The following COL1A2 variants were observed in gnomAD, a reference collection of about 807,000 sequenced individuals.
The protein encoded by COL1A2 is collagen alpha-2(I) chain.
COL1A2 carries 49 observed loss-of-function variants against 174.3 expected under a neutral mutation model. That is an observed-to-expected ratio of 0.28 (90% confidence interval 0.22 to 0.36). COL1A2 has a LOEUF of 0.36. COL1A2 is among the 10% of genes least tolerant of loss of function. The pLI is 1.00. For synonymous variants in COL1A2, 655 were observed against 606.6 expected (o/e 1.08, Z -1.17); for missense variants, 1,438 against 1,822.7 (o/e 0.79, Z 3.84).
Position 94,397,771 on chromosome 7 carries a change from T to G in COL1A2, c.81+13T>G. ...AGCTTTACAAGAGGTGAGTAAAACT[T>G]TTTTTAGAATTTTTAAAAATACTTT... On this transcript the variant is annotated intron_variant, in intron 2 of 51. Coordinates refer to ENST00000297268, the MANE Select transcript of COL1A2 (RefSeq NM_000089.4). 1 of 1,295,806 alleles carries G rather than the reference T, an allele frequency of 7.7e-7. No individual in the cohort carries two copies. 80.3% of individuals were successfully genotyped at this position (1,295,806 alleles called of 1,614,324 possible).
chr7:94,412,470 C>A, intron 24 of COL1A2, 114 bp from the exon 25 acceptor site: 1 of 813,488 alleles, frequency 1.2e-6, no homozygotes, highest in Non-Finnish European at 2.1e-6. Context: ...ACGCTTTATA[C>A]AAGAAGCTCT....
At chr7:94,398,297 T>A in intron 2 of COL1A2, 85 bp from the exon 3 acceptor site, 2 of 458,722 alleles carry the variant, frequency 4.4e-6, no homozygotes, top group Non-Finnish European at 7.5e-6. Flanking sequence ...GAAGGTATAT[T>A]TGTATACTAC....
In COL1A2 at chr7:94,415,124, C is replaced by A. The variant is rs1792012050; in HGVS notation, c.1720-102C>A. On this transcript the variant is annotated intron_variant, in intron 29 of 51. Coordinates refer to ENST00000297268, the MANE Select transcript of COL1A2 (RefSeq NM_000089.4). ...TACTTATGCACTCATGTAGATACTG[C>A]CAGGTTTATTTCACTCTTTCCAAAT... The A allele has an allele frequency of 5.9e-6, 6 of 1,017,160 alleles. No homozygotes were observed. The South Asian group carries it at 7.6e-5, about 13-fold the overall frequency. The allele number at this position is 1,017,160 out of a possible 1,614,324, so 63.0% of individuals were successfully genotyped here.
At chr7:94,426,587 A>C in intron 46 of COL1A2, 57 bp downstream of exon 46, 1 of 1,307,342 alleles carries the variant, frequency 7.6e-7, no homozygotes, top group Non-Finnish European at 1.1e-6. Flanking sequence ...TTCAGCTCAG[A>C]AGGATTTTCA....
chr7:94,430,201 C>T, intron 51 of COL1A2, 46 bp from the exon 52 acceptor site: 1 of 1,580,730 alleles, frequency 6.3e-7, no homozygotes, highest in Non-Finnish European at 8.7e-7. Context: ...TTATCAGATT[C>T]AGAAATAGTG....
chr7:94,424,199 C>T (rs1374075662), intron 40 of COL1A2, 137 bp from the exon 41 acceptor site: 1 of 711,976 alleles, frequency 1.4e-6, no homozygotes, highest in African/African-American at 1.8e-5. Flanking sequence ...GAAAAGATAT[C>T]CAAGGATATG....
intron 1 of COL1A2, 79 bp downstream of exon 1, chr7:94,395,180 C>T: frequency 8.4e-7 from 1 of 1,192,138 alleles, no homozygotes; most frequent in Non-Finnish European, 1.3e-6. Context: ...AAAGGAAAAC[C>T]TGTAACCTGA....
At chr7:94,399,185 G>A in intron 4 of COL1A2, 101 bp downstream of exon 4, 2 of 1,097,284 alleles carry the variant, frequency 1.8e-6, no homozygotes, top group Non-Finnish European at 2.8e-6. Flanking sequence ...TATGTATCCA[G>A]ATAATTGTAC....
chr7:94,414,623 T>G (rs746968684), intron 29 of COL1A2, among the ~76,000 whole-genome samples: 5 of 152,206 alleles, frequency 3.3e-5, no homozygotes, highest in Non-Finnish European at 5.9e-5. Context: ...TCAATCAAAC[T>G]AGATCCCGAA....
In COL1A2 at chr7:94,430,484, C is replaced by T; in HGVS notation, c.*91C>T. The T allele has an allele frequency of 7.4e-7, 1 of 1,349,788 alleles. No homozygotes were observed. The highest frequency in any genetic ancestry group is 1.0e-6 in the Non-Finnish European group (1 of 958,706). 83.6% of individuals were successfully genotyped at this position (1,349,788 alleles called of 1,614,324 possible). On this transcript the variant is annotated 3_prime_UTR_variant, in exon 52 of 52. Transcript: ENST00000297268. ...CTTCTTTTTTAACTGAAAGCTGAAT[C>T]CTTCCATTTCTTCTGCACATCTACT...
chr7:94,429,091 C>G, intron 50 of COL1A2, 97 bp from the exon 51 acceptor site: 1 of 1,002,778 alleles, frequency 1.0e-6, no homozygotes, highest in Non-Finnish European at 1.5e-6. Context: ...TCTACTCTTC[C>G]TGAGATCTTT....
At chr7:94,395,173 G>A (rs1331047324) in intron 1 of COL1A2, 72 bp downstream of exon 1, 1 of 1,280,356 alleles carries the variant, frequency 7.8e-7, no homozygotes, top group Non-Finnish European at 1.1e-6. Flanking sequence ...GCCCTGAAAA[G>A]GAAAACCTGT....
Position 94,411,039 on chromosome 7 carries a change from T to G in COL1A2, c.1252-17T>G, listed in dbSNP as rs774667135. On this transcript the variant is annotated splice_polypyrimidine_tract_variant and intron_variant, in intron 22 of 51. Transcript: ENST00000297268. ...GCATCCTCCTCCTCTATCTGTTTTT[T>G]TTTTTTTTTTGAATAGGGCCCTCCT... 31 of 1,604,606 alleles carry G rather than the reference T, an allele frequency of 1.9e-5. No individual in the cohort carries two copies. In the African/African-American group the frequency reaches 3.9e-4, roughly 20 times the overall value.
intron 41 of COL1A2, chr7:94,424,778 A>T: frequency 2.2e-6 from 1 of 463,514 alleles, no homozygotes; most frequent in Non-Finnish European, 3.9e-6. Flanking sequence ...GGAAGTTCTG[A>T]ATCGTTCCAT....
chr7:94,412,931 T>C, intron 25 of COL1A2, 152 bp from the exon 26 acceptor site: 1 of 810,062 alleles, frequency 1.2e-6, no homozygotes, highest in Non-Finnish European at 2.1e-6. Context: ...AGCTGCATGG[T>C]GATGGATCAT....
At chr7:94,416,529 C>G in intron 31 of COL1A2, 26 bp downstream of exon 31, 3 of 1,519,132 alleles carry the variant, frequency 2.0e-6, no homozygotes, top group Admixed American at 2.0e-5. Flanking sequence ...TTCTATATTG[C>G]TGGTTTGGCC....
intron 2 of COL1A2, among the ~76,000 whole-genome samples, chr7:94,398,164 C>T (rs1227066327): frequency 6.6e-6 from 1 of 151,872 alleles, no homozygotes; most frequent in African/African-American, 2.4e-5. Flanking sequence ...AGTACAGGTA[C>T]GTATTGCTAT....
rs771318039 is a variant in COL1A2, at chr7:94,404,834, C to G, written c.379-5C>G. ...AGTGAAATGATGGGTCTCCCATTTT[C>G]TTAGGGTCCTGCAGGTGCTCGTGGT... On this transcript the variant is annotated splice_polypyrimidine_tract_variant and splice_region_variant and intron_variant, in intron 8 of 51. Transcript: ENST00000297268. The G allele has an allele frequency of 6.2e-6, 10 of 1,613,966 alleles. No homozygotes were observed. Among genetic ancestry groups the G allele is most frequent in the Non-Finnish European group, 5.9e-6 (7 of 1,180,018 alleles).
At chr7:94,423,597 T>A (rs1372097065) in intron 40 of COL1A2, 1 of 175,558 alleles carries the variant, frequency 5.7e-6, no homozygotes, top group African/African-American at 2.4e-5. Context: ...TGTTTTTGTT[T>A]TTGTTTTTTT....
Sources: allele counts gnomAD v4.1 joint callset (sites outside exome capture counted in the v4.1 genomes callset), GRCh38; gene constraint gnomAD v4.1.1; transcripts MANE v1.5; gene names NCBI Gene and HGNC (gene_info 2026-07-23, HGNC 2026-07-21).